Variants in TTLL11 observed in about 807,000 individuals in gnomAD.
TTLL11 encodes the protein tubulin tyrosine ligase like 11.
Under a neutral mutation model 51.7 loss-of-function variants are expected in TTLL11, and 42 were observed. The observed-to-expected ratio is 0.81, with a 90% CI of 0.64 to 1.05. The LOEUF (loss-of-function observed/expected upper bound fraction) is 1.05. Ranked by LOEUF, TTLL11 falls within the 50% of genes least tolerant of loss-of-function variation. TTLL11 has a pLI of 0.00. For missense variants in TTLL11, 799 were observed against 940.4 expected (o/e 0.85, Z 1.97); for synonymous variants, 381 against 383.5 (o/e 0.99, Z 0.08).
chr9:121,824,956 T>C (rs746168188), intron 8 of TTLL11, among the ~76,000 whole-genome samples: 24 of 152,220 alleles, frequency 1.6e-4, no homozygotes, highest in Admixed American at 2.6e-4. Flanking sequence ...GCCTCCCTTA[T>C]AGTCCATCAG....
chr9:122,037,992 T>TGACATTCTATCTTTA (rs1844749507), intron 2 of TTLL11, among the ~76,000 whole-genome samples: 1 of 152,162 alleles, frequency 6.6e-6, no homozygotes, highest in Non-Finnish European at 1.5e-5. Context: ...AAGGAAACAG[T>TGACATTCTATCTTTA]AAATTGATTC....
intron 6 of TTLL11, among the ~76,000 whole-genome samples, chr9:121,879,346 C>T (rs1450806294): frequency 1.3e-5 from 2 of 152,172 alleles, no homozygotes; most frequent in African/African-American, 4.8e-5. Flanking sequence ...ACTCTCATTC[C>T]AGGCTGTCCA....
chr9:122,005,440 C>T (rs532316490), intron 3 of TTLL11, among the ~76,000 whole-genome samples: 1 of 152,240 alleles, frequency 6.6e-6, no homozygotes, highest in East Asian at 1.9e-4. Context: ...TCAGGGCTTC[C>T]AAGATCCTAC....
intron 8 of TTLL11, among the ~76,000 whole-genome samples, chr9:121,834,611 A>C (rs1837131098): frequency 6.6e-6 from 1 of 151,874 alleles, no homozygotes; most frequent in Non-Finnish European, 1.5e-5. Context: ...GGTAGATCAC[A>C]AGGTCAGAAG....
rs1302760524 is a variant in TTLL11 at position 121,890,301 on chromosome 9, TG to T, written c.1482-19554del. 6.6e-6 allele frequency among the ~76,000 whole-genome samples: 1 copy of T among 152,184 alleles called. No individual in the cohort carries two copies. Among genetic ancestry groups the T allele is most frequent in the Middle Eastern group, 3.2e-3 (1 of 316 alleles). On this transcript the variant is annotated intron_variant, in intron 6 of 8. Coordinates refer to ENST00000321582, the MANE Select transcript of TTLL11 (RefSeq NM_001139442.2). This position sits in a 1 kb window ranked among gnomAD's most constrained non-coding sequence, Gnocchi z 4.3. ...AGCCAAGTCCTATCCCTCCTGTCAC[TG>T]CAGTTCACACACATCTCTGCCATCA...
At chr9:121,829,927 C>T (rs1836948932) in intron 8 of TTLL11, among the ~76,000 whole-genome samples, 1 of 151,304 alleles carries the variant, frequency 6.6e-6, no homozygotes, top group African/African-American at 2.5e-5. Context: ...CATGGTGCTT[C>T]TTCTTGTTTC....
At chr9:121,952,536 T>C (rs1486435140) in intron 6 of TTLL11, among the ~76,000 whole-genome samples, 1 of 152,160 alleles carries the variant, frequency 6.6e-6, no homozygotes, top group Non-Finnish European at 1.5e-5. Flanking sequence ...ACCCAGCTTC[T>C]GTTTGGGGAG....
In TTLL11 at chr9:121,890,550, C is replaced by A. The variant is rs918109546; in HGVS notation, c.1482-19802G>T. On this transcript the variant is annotated intron_variant, in intron 6 of 8. Coordinates refer to ENST00000321582, the MANE Select transcript of TTLL11 (RefSeq NM_001139442.2). This position sits in a 1 kb window ranked among gnomAD's most constrained non-coding sequence, Gnocchi z 4.3. ...CAAGTGCAGCCCACAATCTTCCCAG[C>A]CCTCCAGAGCTCTCCCTGCTTCATT... Among the ~76,000 whole-genome samples the A allele has an allele frequency of 2.0e-5, 3 of 152,200 alleles. No individual in the cohort carries two copies. The highest frequency in any genetic ancestry group is 7.2e-5 in the African/African-American group (3 of 41,446).
chr9:121,908,450 CCT>C, intron 6 of TTLL11, among the ~76,000 whole-genome samples: 1 of 152,330 alleles, frequency 6.6e-6, no homozygotes. Flanking sequence ...AGGCTGCCAG[CCT>C]GGTCACCAAG....
At chr9:121,880,248 C>G (rs1029389160) in intron 6 of TTLL11, among the ~76,000 whole-genome samples, 6 of 152,196 alleles carry the variant, frequency 3.9e-5, no homozygotes, top group Non-Finnish European at 7.3e-5. Flanking sequence ...CCTGCCTGCA[C>G]CAACTGCCCA....
chr9:122,091,109 A>G lies in TTLL11; in HGVS notation c.462+1578T>C, dbSNP rs574643160. 9.9e-4 allele frequency among the ~76,000 whole-genome samples: 150 copies of G among 152,248 alleles called. 8 individuals are homozygous for G. Among genetic ancestry groups the G allele is most frequent in the Non-Finnish European group, 5.4e-4 (37 of 68,022 alleles). ...AGTGAACGAACCTGGGCTGGGATGT[A>G]TTAGTCCATCTGGCCCCATCTCTCC... On this transcript the variant is annotated intron_variant, in intron 1 of 8. Coordinates refer to ENST00000321582, the MANE Select transcript of TTLL11 (RefSeq NM_001139442.2).
chr9:121,873,648 T>TC, intron 6 of TTLL11, among the ~76,000 whole-genome samples: 1 of 150,072 alleles, frequency 6.7e-6, no homozygotes, highest in Non-Finnish European at 1.5e-5. Context: ...TCCTCTCTTC[T>TC]TCTTCTTCTT....
chr9:121,960,779 C>T (rs7850050), intron 6 of TTLL11, among the ~76,000 whole-genome samples: 11,780 of 152,134 alleles, frequency 0.077, 684 homozygotes, highest in African/African-American at 0.16. Flanking sequence ...AAGGCATCCC[C>T]CAAGACAGGA....
chr9:122,085,458 C>T (rs78648130), intron 1 of TTLL11, among the ~76,000 whole-genome samples: 1,807 of 152,260 alleles, frequency 0.012, 32 homozygotes, highest in African/African-American at 0.041. Context: ...CTGTCCCTTA[C>T]GCTGCAGCCA....
chr9:122,061,920 G>A (rs1269481858), intron 1 of TTLL11, among the ~76,000 whole-genome samples: 6 of 152,264 alleles, frequency 3.9e-5, no homozygotes, highest in African/African-American at 1.4e-4. Context: ...ACAGGTGTGA[G>A]CCACTGCACC....
In TTLL11 at chr9:122,088,198, C is replaced by A. The variant is rs563604741; in HGVS notation, c.462+4489G>T. On this transcript the variant is annotated intron_variant, in intron 1 of 8. Coordinates refer to ENST00000321582, the MANE Select transcript of TTLL11 (RefSeq NM_001139442.2). ...GCTTCTTCATCGCTCTCCACTCCCCCATATGCTCCCTCAGCTGCCATCATC... is the reference window on the plus strand; with the variant it reads ...GCTTCTTCATCGCTCTCCACTCCCCAATATGCTCCCTCAGCTGCCATCATC... 3.9e-5 allele frequency among the ~76,000 whole-genome samples: 6 copies of A among 152,344 alleles called. 1 individual carries two copies. The South Asian group carries it at 1.2e-3, about 32-fold the overall frequency.
intron 8 of TTLL11, among the ~76,000 whole-genome samples, chr9:121,859,522 A>G (rs1837938967): frequency 6.6e-6 from 1 of 152,142 alleles, no homozygotes; most frequent in East Asian, 1.9e-4. Context: ...AACAAAAAAC[A>G]AAAGAGAGAG....
chr9:121,928,464 T>C (rs918389217), intron 6 of TTLL11, among the ~76,000 whole-genome samples: 1 of 148,022 alleles, frequency 6.8e-6, no homozygotes, highest in Non-Finnish European at 1.5e-5. Context: ...TTTTTTGAGA[T>C]AGAATCTCAC....
intron 1 of TTLL11, among the ~76,000 whole-genome samples, chr9:122,063,651 C>A (rs766849723): frequency 6.6e-6 from 1 of 152,150 alleles, no homozygotes; most frequent in Non-Finnish European, 1.5e-5. Flanking sequence ...TCTTATGGTT[C>A]CTGTTTTGTT....
Sources: gnomAD v4.1 joint callset for allele counts (sites outside exome capture counted in the v4.1 genomes callset) on GRCh38, gnomAD v4.1.1 for gene constraint, Gnocchi (gnomAD v3.1) non-coding constraint, MANE v1.5 for transcripts, NCBI Gene and HGNC (gene_info 2026-07-23, HGNC 2026-07-21) for gene names.